The following HTR2C variants were observed in gnomAD, a reference collection of about 807,000 sequenced individuals.
HTR2C encodes 5-hydroxytryptamine receptor 2C.
In HTR2C, 5 loss-of-function variants were observed where a neutral mutation model predicts 21.0. That is an observed-to-expected ratio of 0.24 (90% confidence interval 0.12 to 0.50). The LOEUF is 0.50. Among genes scored for constraint, HTR2C ranks in the 20% least tolerant of loss-of-function variants. The probability of loss-of-function intolerance (pLI) is 0.98; values close to 1 mark genes in which losing one functional copy is unlikely to be tolerated. For synonymous variants in HTR2C, 150 were observed against 145.3 expected (o/e 1.03, Z -0.23); for missense variants, 271 against 371.2 (o/e 0.73, Z 2.22).
intron 2 of HTR2C, chrX:114,652,736 C>G: frequency 2.7e-6 from 1 of 372,867 alleles, no homozygotes; most frequent in Non-Finnish European, 5.3e-6. Flanking sequence ...GGATACAATC[C>G]TACGACCCAG....
At chrX:114,621,210 G>C (rs185525933) in intron 2 of HTR2C, among the ~76,000 whole-genome samples, 144 of 111,949 alleles carry the variant, frequency 1.3e-3, no homozygotes, top group African/African-American at 4.5e-3. Flanking sequence ...CCAGCTCCCA[G>C]ATTTCCATGG....
intron 4 of HTR2C, among the ~76,000 whole-genome samples, chrX:114,796,956 T>C (rs17095573): frequency 0.018 from 2,046 of 112,022 alleles, 49 homozygotes; most frequent in African/African-American, 0.063. Context: ...AATTAAATTG[T>C]TAAGGAGAAT....
chrX:114,639,315 GA>G (rs1156614228), intron 2 of HTR2C: 3 of 112,967 alleles, frequency 2.7e-5, no homozygotes, highest in Non-Finnish European at 3.8e-5. Context: ...GTTTTTAAAG[GA>G]AAACATCATG....
intron 4 of HTR2C, among the ~76,000 whole-genome samples, chrX:114,778,042 C>T (rs1260224795): frequency 8.9e-6 from 1 of 111,770 alleles, no homozygotes; most frequent in African/African-American, 3.3e-5. Flanking sequence ...AAATAAAGTG[C>T]TGTCATTGTA....
intron 2 of HTR2C, among the ~76,000 whole-genome samples, chrX:114,625,886 A>C (rs1556402715): frequency 9.0e-6 from 1 of 111,309 alleles, no homozygotes; most frequent in Non-Finnish European, 1.9e-5. Flanking sequence ...CAGTAATAGG[A>C]GATCAGCTGG....
chrX:114,896,067 C>T (rs186195467), intron 5 of HTR2C, among the ~76,000 whole-genome samples: 20 of 110,430 alleles, frequency 1.8e-4, no homozygotes, highest in Non-Finnish European at 1.9e-4. Flanking sequence ...ACAAATTATT[C>T]TCAAACGTTT....
chrX:114,744,685 C>T (rs1035795320), intron 4 of HTR2C, among the ~76,000 whole-genome samples: 2 of 110,625 alleles, frequency 1.8e-5, no homozygotes, highest in Non-Finnish European at 3.8e-5. Context: ...ATCTCCTGAC[C>T]TCGTGATCCG....
intron 4 of HTR2C, among the ~76,000 whole-genome samples, chrX:114,829,338 C>A (rs988844313): frequency 2.7e-5 from 3 of 111,494 alleles, no homozygotes; most frequent in African/African-American, 9.8e-5. Context: ...TTTTCATATG[C>A]TTGTTGGCCA....
intron 5 of HTR2C, among the ~76,000 whole-genome samples, chrX:114,882,516 A>G (rs1406533172): frequency 9.1e-6 from 1 of 110,472 alleles, no homozygotes; most frequent in Non-Finnish European, 1.9e-5. Flanking sequence ...GTTTCCTTCT[A>G]TTTCTATGTT....
rs1273378844 is a variant in HTR2C, at chrX:114,852,668, T to C, written c.550+4465T>C. Reference sequence around the variant, plus strand: ...ATTTTTTACACTCACTAATAATAGATTGTGTTGATATACTTTATTTAACCA... The same window carrying C: ...ATTTTTTACACTCACTAATAATAGACTGTGTTGATATACTTTATTTAACCA... On this transcript the variant is annotated intron_variant, in intron 5 of 5. Coordinates refer to ENST00000276198, the MANE Select transcript of HTR2C (RefSeq NM_000868.4). Among the ~76,000 whole-genome samples the C allele has an allele frequency of 2.7e-5, 3 of 110,765 alleles. No individual in the cohort carries two copies. In the East Asian group the frequency reaches 8.5e-4, roughly 32 times the overall value.
At chrX:114,703,116 C>T (rs1284849519) in intron 2 of HTR2C, among the ~76,000 whole-genome samples, 5 of 107,126 alleles carry the variant, frequency 4.7e-5, no homozygotes, top group African/African-American at 1.7e-4. Context: ...TAATGGGAGA[C>T]TTTAACACCC....
intron 1 of HTR2C, among the ~76,000 whole-genome samples, chrX:114,604,952 C>T (rs1167133767): frequency 5.1e-4 from 57 of 110,777 alleles, no homozygotes; most frequent in African/African-American, 1.5e-3. Flanking sequence ...GTTTGAGGGC[C>T]GGAATTTAAT....
intron 2 of HTR2C, among the ~76,000 whole-genome samples, chrX:114,709,063 T>G (rs1932853320): frequency 1.8e-5 from 2 of 112,027 alleles, no homozygotes; most frequent in African/African-American, 3.2e-5. Flanking sequence ...AGCTATCTCC[T>G]ATTATTAGGG....
intron 2 of HTR2C, among the ~76,000 whole-genome samples, chrX:114,665,214 G>C (rs782410053): frequency 8.9e-6 from 1 of 111,816 alleles, no homozygotes; most frequent in Non-Finnish European, 1.9e-5. Context: ...CACTGACTCA[G>C]GTAGGATTGG....
At chrX:114,744,372 A>C (rs967070710) in intron 4 of HTR2C, among the ~76,000 whole-genome samples, 2 of 108,040 alleles carry the variant, frequency 1.9e-5, no homozygotes, top group Admixed American at 2.0e-4. Flanking sequence ...CAGAAGAAAG[A>C]AAATAAGAAA....
At chrX:114,752,002 G>A (rs868941738) in intron 4 of HTR2C, among the ~76,000 whole-genome samples, 3 of 111,871 alleles carry the variant, frequency 2.7e-5, no homozygotes, top group Admixed American at 9.5e-5. Flanking sequence ...GACTAAGACC[G>A]TTAAACTTAA....
At chrX:114,600,244 A>T (rs1443685745) in intron 1 of HTR2C, among the ~76,000 whole-genome samples, 7 of 112,551 alleles carry the variant, frequency 6.2e-5, no homozygotes, top group Middle Eastern at 4.7e-3. Flanking sequence ...CTAATTACAA[A>T]GGTTGTGTGC....
intron 5 of HTR2C, among the ~76,000 whole-genome samples, chrX:114,856,082 C>G (rs1015853177): frequency 9.2e-5 from 10 of 108,855 alleles, no homozygotes; most frequent in Non-Finnish European, 1.7e-4. Flanking sequence ...CCCATCGTCT[C>G]AGCCCAAAAT....
intron 5 of HTR2C, among the ~76,000 whole-genome samples, chrX:114,903,919 G>C (rs782249768): frequency 8.9e-6 from 1 of 111,927 alleles, no homozygotes; most frequent in Non-Finnish European, 1.9e-5. Context: ...AGATTGAAGA[G>C]GGAAACACCA....
Sources: allele counts gnomAD v4.1 joint callset (sites outside exome capture counted in the v4.1 genomes callset), GRCh38; gene constraint gnomAD v4.1.1; transcripts MANE v1.5; gene names NCBI Gene and HGNC (gene_info 2026-07-23, HGNC 2026-07-21).